Variants in DAB1 observed in about 807,000 individuals in gnomAD.
The protein encoded by DAB1 is DAB adaptor protein 1, also known as disabled homolog 1.
A neutral mutation model predicts 64.6 loss-of-function variants in DAB1; 15 were observed. The ratio of observed to expected loss-of-function variants is 0.23; its 90% confidence interval spans 0.16 to 0.36. The LOEUF (loss-of-function observed/expected upper bound fraction) is 0.36. Ranked by LOEUF, DAB1 falls within the 10% of genes least tolerant of loss-of-function variation. The probability of loss-of-function intolerance (pLI) is 1.00; values close to 1 mark genes in which losing one functional copy is unlikely to be tolerated. For synonymous variants in DAB1, 235 were observed against 251.9 expected, an observed-to-expected ratio of 0.93 and a Z score of 0.64; for missense variants, 596 against 706.7, an observed-to-expected ratio of 0.84 and a Z score of 1.78.
intron 5 of DAB1, 44 bp from the exon 6 acceptor site, chr1:57,071,685 G>C (rs1377324438): frequency 1.3e-6 from 2 of 1,574,754 alleles, no homozygotes; most frequent in Admixed American, 4.2e-5. Context: ...GAATGGTACT[G>C]AGACGCAGCA....
chr1:57,467,979 G>C (rs1043323269), intron 7 of DAB1, among the ~76,000 whole-genome samples: 1 of 152,136 alleles, frequency 6.6e-6, no homozygotes, highest in Admixed American at 6.5e-5. Context: ...TGTGTTCTGA[G>C]TGCTTGGAAT....
intron 4 of DAB1, among the ~76,000 whole-genome samples, chr1:58,202,217 AC>A (rs1658035221): frequency 6.6e-6 from 1 of 152,252 alleles, no homozygotes; most frequent in Admixed American, 6.5e-5. Flanking sequence ...CAGAGTTGTT[AC>A]TTAATCAATG....
intron 7 of DAB1, among the ~76,000 whole-genome samples, chr1:57,519,278 C>T (rs1028129683): frequency 1.3e-5 from 2 of 152,126 alleles, no homozygotes; most frequent in Non-Finnish European, 2.9e-5. Context: ...AGTAACCTGT[C>T]CAAAGTCACA....
At chr1:57,361,497 C>T (rs1217232749) in intron 1 of DAB1, among the ~76,000 whole-genome samples, 1 of 152,090 alleles carries the variant, frequency 6.6e-6, no homozygotes, top group African/African-American at 2.4e-5. Context: ...AAGGATTGTT[C>T]ATCTGCATCC....
At chr1:58,268,930 T>C (rs1342525316) in intron 4 of DAB1, among the ~76,000 whole-genome samples, 2 of 152,152 alleles carry the variant, frequency 1.3e-5, no homozygotes, top group East Asian at 1.9e-4. Flanking sequence ...ACCAACTGAA[T>C]AGAATTAAAA....
Position 57,855,556 on chromosome 1 carries a change from T to G in DAB1, n.87+28443A>C, listed in dbSNP as rs902741886. On this transcript the variant is annotated intron_variant and non_coding_transcript_variant, in intron 1 of 1. Coordinates refer to the DAB1 transcript ENST00000477280. Reference sequence around the variant, plus strand: ...AAAAGCGGTCTTTGATATAGGGACATAGGGACAGAGACTGAAATGAAATGA... The same window carrying G: ...AAAAGCGGTCTTTGATATAGGGACAGAGGGACAGAGACTGAAATGAAATGA... 2.0e-5 allele frequency among the ~76,000 whole-genome samples: 3 copies of G among 151,980 alleles called. No individual in the cohort carries two copies. The South Asian group carries it at 6.2e-4, about 32-fold the overall frequency.
At chr1:58,432,108 G>T (rs776207706) in intron 3 of DAB1, among the ~76,000 whole-genome samples, 9 of 152,092 alleles carry the variant, frequency 5.9e-5, no homozygotes, top group African/African-American at 2.2e-4. Flanking sequence ...CTCATCCTTG[G>T]TTCCACCGGC....
intron 4 of DAB1, among the ~76,000 whole-genome samples, chr1:58,205,332 A>T: frequency 6.6e-6 from 1 of 152,168 alleles, no homozygotes; most frequent in Non-Finnish European, 1.5e-5. Context: ...CCTTTCCCCA[A>T]ATCACCACCC....
chr1:57,675,570 T>C (rs1034610975), intron 6 of DAB1, among the ~76,000 whole-genome samples: 13 of 152,208 alleles, frequency 8.5e-5, no homozygotes, highest in Middle Eastern at 3.2e-3. Context: ...ATTGTCACTA[T>C]ACGACTGTTG....
intron 3 of DAB1, among the ~76,000 whole-genome samples, chr1:58,433,621 T>TTGTG (rs1282042616): frequency 1.1e-5 from 1 of 93,678 alleles, no homozygotes; most frequent in East Asian, 3.2e-4. Flanking sequence ...GTGTGTGTGT[T>TTGTG]TGTGTGTGTG....
intron 2 of DAB1, among the ~76,000 whole-genome samples, chr1:57,148,747 G>T (rs559844434): frequency 1.3e-5 from 2 of 152,294 alleles, no homozygotes; most frequent in South Asian, 4.1e-4. Flanking sequence ...CTTCACATTT[G>T]CTCTTGAGTT....
chr1:58,225,830 G>T, intron 4 of DAB1, among the ~76,000 whole-genome samples: 1 of 115,178 alleles, frequency 8.7e-6, no homozygotes, highest in Non-Finnish European at 1.8e-5. Context: ...GGAGGGGGGA[G>T]GGATAGCATT....
At chr1:58,151,849 GTC>G (rs1654956584) in intron 4 of DAB1, among the ~76,000 whole-genome samples, 1 of 152,194 alleles carries the variant, frequency 6.6e-6, no homozygotes, top group Non-Finnish European at 1.5e-5. Context: ...AGTGGTAAAA[GTC>G]TATCCATTGG....
intron 5 of DAB1, among the ~76,000 whole-genome samples, chr1:58,039,880 G>C (rs1015705105): frequency 5.9e-5 from 9 of 152,142 alleles, no homozygotes; most frequent in Non-Finnish European, 1.2e-4. Context: ...AAGTGCTTGG[G>C]ACATGGGAAG....
Position 58,253,526 on chromosome 1 carries a change from C to T in DAB1, n.309+89826G>A, listed in dbSNP as rs139526448. On this transcript the variant is annotated intron_variant and non_coding_transcript_variant, in intron 4 of 20. Transcript: ENST00000485760. ...TGTGAGTCTGTACTACCAGCTGGAC[C>T]CATCACATCACCACTGATAAAAATC... 7.0e-3 allele frequency among the ~76,000 whole-genome samples: 1,062 copies of T among 152,308 alleles called. 14 individuals carry two copies. Among genetic ancestry groups the T allele is most frequent in the African/African-American group, 0.024 (1,006 of 41,558 alleles).
At chr1:57,683,299 G>T (rs1313164251) in intron 6 of DAB1, among the ~76,000 whole-genome samples, 1 of 152,108 alleles carries the variant, frequency 6.6e-6, no homozygotes, top group Non-Finnish European at 1.5e-5. Context: ...CCACAACCTG[G>T]CACACTAACA....
At chr1:57,739,189 C>T (rs1404798702) in intron 6 of DAB1, among the ~76,000 whole-genome samples, 2 of 152,130 alleles carry the variant, frequency 1.3e-5, no homozygotes, top group East Asian at 3.9e-4. Flanking sequence ...TCATCCACCT[C>T]TGGTCCTAAA....
At chr1:57,889,000 G>A (rs1428642998), upstream of DAB1, among the ~76,000 whole-genome samples, 8 of 152,170 alleles carry the variant, frequency 5.3e-5, no homozygotes, top group African/African-American at 1.7e-4. Flanking sequence ...AGGAGTGTGC[G>A]ATGGAGAGTT....
Position 57,516,028 on chromosome 1 carries a change from G to A in DAB1, n.625+133564C>T, listed in dbSNP as rs535371714. 3.9e-5 allele frequency among the ~76,000 whole-genome samples: 6 copies of A among 152,290 alleles called. No individual in the cohort carries two copies. In the East Asian group the frequency reaches 1.2e-3, roughly 29 times the overall value. On this transcript the variant is annotated intron_variant and non_coding_transcript_variant, in intron 7 of 20. Transcript: ENST00000485760. ...GAGTTGAATACGTAAGTCATTTCACGTGTATAGACTCTTTCTTCCTCCAAA... is the reference window on the plus strand; with the variant it reads ...GAGTTGAATACGTAAGTCATTTCACATGTATAGACTCTTTCTTCCTCCAAA...
Sources: gnomAD v4.1 joint callset for allele counts (sites outside exome capture counted in the v4.1 genomes callset) on GRCh38, gnomAD v4.1.1 for gene constraint, MANE v1.5 for transcripts, NCBI Gene and HGNC (gene_info 2026-07-23, HGNC 2026-07-21) for gene names.